Variants in RNF150 observed in about 807,000 individuals in gnomAD.
The protein encoded by RNF150 is ring finger protein 150.
A neutral mutation model predicts 39.3 loss-of-function variants in RNF150; 24 were observed. The observed-to-expected ratio is 0.61, with a 90% CI of 0.44 to 0.86. The LOEUF is 0.86. Ranked by LOEUF, RNF150 falls within the 40% of genes least tolerant of loss-of-function variation. The pLI is 0.00. For missense variants in RNF150, 502 were observed against 587.8 expected (o/e 0.85, Z 1.51); for synonymous variants, 255 against 227.3 (o/e 1.12, Z -1.10).
At chr4:141,093,210 C>T (rs960514068) in intron 1 of RNF150, among the ~76,000 whole-genome samples, 4 of 152,010 alleles carry the variant, frequency 2.6e-5, no homozygotes, top group Admixed American at 1.3e-4. Flanking sequence ...ACTAAATACA[C>T]GAAGAATTGG....
intron 1 of RNF150, among the ~76,000 whole-genome samples, chr4:141,111,360 C>T (rs1158688893): frequency 6.6e-6 from 1 of 152,128 alleles, no homozygotes; most frequent in Non-Finnish European, 1.5e-5. Context: ...TAAAATCTTT[C>T]CCTTCAGTAA....
rs188345542 is a variant in RNF150 at position 140,953,064 on chromosome 4, G to A, written c.736-3692C>T. On this transcript the variant is annotated intron_variant, in intron 2 of 6. Transcript: ENST00000515673. Reference sequence around the variant, plus strand: ...GTAAGGATCTGTGTATCTAAACATAGAACAGATACAGTAAAAACAGGATAT... The same window carrying A: ...GTAAGGATCTGTGTATCTAAACATAAAACAGATACAGTAAAAACAGGATAT... Among the ~76,000 whole-genome samples, 63 of 152,240 alleles carry A rather than the reference G, an allele frequency of 4.1e-4. 1 individual carries two copies. Among genetic ancestry groups the A allele is most frequent in the Admixed American group, 4.0e-3 (61 of 15,280 alleles).
intron 1 of RNF150, among the ~76,000 whole-genome samples, chr4:141,194,614 T>A (rs1020186092): frequency 6.6e-6 from 1 of 152,158 alleles, no homozygotes; most frequent in Non-Finnish European, 1.5e-5. Flanking sequence ...AGGGTAGGGA[T>A]GGGCTGTTAT....
chr4:141,147,731 TGAGA>T (rs569079076), intron 1 of RNF150, among the ~76,000 whole-genome samples: 131 of 151,952 alleles, frequency 8.6e-4, no homozygotes, highest in African/African-American at 3.1e-3. Flanking sequence ...AGAGCATAGC[TGAGA>T]GAGAGAGAAA....
intron 1 of RNF150, among the ~76,000 whole-genome samples, chr4:141,045,448 T>C (rs1736535981): frequency 6.6e-6 from 1 of 152,062 alleles, no homozygotes; most frequent in Admixed American, 6.6e-5. Flanking sequence ...TATGCTGATG[T>C]AGTAATCTAC....
intron 5 of RNF150, among the ~76,000 whole-genome samples, chr4:140,919,318 G>T (rs1253162068): frequency 7.0e-6 from 1 of 143,316 alleles, no homozygotes; most frequent in Non-Finnish European, 1.5e-5. Context: ...TCCTTAAGCT[G>T]ATAAGCAACT....
chr4:140,956,900 C>T (rs1227381636), intron 2 of RNF150, among the ~76,000 whole-genome samples: 8 of 151,292 alleles, frequency 5.3e-5, no homozygotes, highest in African/African-American at 1.2e-4. Flanking sequence ...ATACAAAAAT[C>T]AATTCAAGAT....
At chr4:141,020,085 T>G (rs1158769528) in intron 1 of RNF150, among the ~76,000 whole-genome samples, 1 of 143,616 alleles carries the variant, frequency 7.0e-6, no homozygotes, top group Non-Finnish European at 1.5e-5. Flanking sequence ...GCCAAGGGAG[T>G]TTTTTTTTGG....
At chr4:140,956,784 G>C (rs1017815521) in intron 2 of RNF150, among the ~76,000 whole-genome samples, 2 of 152,134 alleles carry the variant, frequency 1.3e-5, no homozygotes, top group African/African-American at 4.8e-5. Context: ...TGACAAACCT[G>C]AGAAAAACAA....
chr4:140,874,397 G>A (rs1729066526), intron 6 of RNF150, among the ~76,000 whole-genome samples: 1 of 152,122 alleles, frequency 6.6e-6, no homozygotes, highest in South Asian at 2.1e-4. Context: ...ATGTTCCCAT[G>A]TCAGGATCCT....
intron 1 of RNF150, among the ~76,000 whole-genome samples, chr4:141,016,767 C>T (rs1430456184): frequency 2.0e-5 from 3 of 152,114 alleles, no homozygotes; most frequent in East Asian, 1.9e-4. Context: ...TGTCCCTGGC[C>T]GCCTTGGCTC....
chr4:140,880,935 A>G (rs923791783), intron 6 of RNF150, among the ~76,000 whole-genome samples: 3 of 152,124 alleles, frequency 2.0e-5, no homozygotes, highest in Non-Finnish European at 4.4e-5. Flanking sequence ...GGATCTGTCA[A>G]TTTGGTTGAT....
At chr4:141,174,364 C>T (rs1727775070) in intron 1 of RNF150, among the ~76,000 whole-genome samples, 2 of 152,142 alleles carry the variant, frequency 1.3e-5, no homozygotes, top group Non-Finnish European at 2.9e-5. Context: ...AGCAGTAAGA[C>T]ACAGAGGCCC....
At chr4:140,911,398 C>T (rs770277832) in intron 5 of RNF150, 44 bp from the exon 6 acceptor site, 2 of 1,533,144 alleles carry the variant, frequency 1.3e-6, no homozygotes, top group Non-Finnish European at 9.0e-7. Context: ...ATGTCATCCA[C>T]TTAGAGATTA....
In RNF150 at chr4:140,911,326, G is replaced by A. The variant is rs777008629; in HGVS notation, c.1016C>T (p.Pro339Leu). 126 of 1,614,062 alleles carry A rather than the reference G, an allele frequency of 7.8e-5. No individual in the cohort carries two copies. In the East Asian group the frequency reaches 2.8e-3, roughly 35 times the overall value. The change falls in exon 6 of 7, where the codon CCC becomes CTC. Residue 339 changes from proline (P) to leucine (L), a missense_variant. Coordinates refer to ENST00000515673, the MANE Select transcript of RNF150 (RefSeq NM_020724.2). Reference sequence around the variant, plus strand: ...TCCCAGAGAGCCCTCGAAGTCAGTGGGCAAGTCGTCCATGCAGTCGGCATT... The same window carrying A: ...TCCCAGAGAGCCCTCGAAGTCAGTGAGCAAGTCGTCCATGCAGTCGGCATT... ...PPNADCMDDL[P>L]TDFEGSLGGP...
intron 6 of RNF150, among the ~76,000 whole-genome samples, chr4:140,910,107 G>GAAGT (rs1730536053): frequency 6.6e-6 from 1 of 151,970 alleles, no homozygotes; most frequent in Admixed American, 6.5e-5. Flanking sequence ...TTTCAACAAT[G>GAAGT]AAGTTTTTTC....
chr4:141,050,789 C>G (rs1397881352), intron 1 of RNF150, among the ~76,000 whole-genome samples: 1 of 152,176 alleles, frequency 6.6e-6, no homozygotes, highest in Non-Finnish European at 1.5e-5. Flanking sequence ...TATGGCTTTT[C>G]CAGGTGAATG....
At chr4:140,899,966 CTCTCTCTCTGTGTGTGTGTGTG>C (rs751830056) in intron 6 of RNF150, among the ~76,000 whole-genome samples, 26 of 117,180 alleles carry the variant, frequency 2.2e-4, no homozygotes, top group South Asian at 5.8e-4. Context: ...CTCTCTCTCT[CTCTCTCTCTGTGTGTGTGTGTG>C]TGTGTGTGTG....
rs115009324 is a variant in RNF150, at chr4:141,013,637, C to T, written c.485-45764G>A. ...AAGTTTTTGTTTTTTTCCAATGCAACCTCTCCTCAATCCTCAGTCTAGAGA... is the reference window on the plus strand; with the variant it reads ...AAGTTTTTGTTTTTTTCCAATGCAATCTCTCCTCAATCCTCAGTCTAGAGA... On this transcript the variant is annotated intron_variant, in intron 1 of 6. Coordinates refer to ENST00000515673, the MANE Select transcript of RNF150 (RefSeq NM_020724.2). Among the ~76,000 whole-genome samples the T allele has an allele frequency of 3.2e-3, 490 of 152,216 alleles. 2 individuals are homozygous for T. Among genetic ancestry groups the T allele is most frequent in the African/African-American group, 0.011 (472 of 41,538 alleles).
Sources: gnomAD v4.1 joint callset for allele counts (sites outside exome capture counted in the v4.1 genomes callset) on GRCh38, gnomAD v4.1.1 for gene constraint, MANE v1.5 for transcripts, NCBI Gene and HGNC (gene_info 2026-07-23, HGNC 2026-07-21) for gene names.